The following PARP14 variants were observed in gnomAD, a reference collection of about 807,000 sequenced individuals.
PARP14 encodes protein mono-ADP-ribosyltransferase PARP14.
A neutral mutation model predicts 154.2 loss-of-function variants in PARP14; 59 were observed. The observed-to-expected ratio is 0.38, with a 90% confidence interval of 0.31 to 0.48. The LOEUF (loss-of-function observed/expected upper bound fraction) is 0.48, where lower values mean the gene tolerates loss of function less well. Among genes scored for constraint, PARP14 ranks in the 20% least tolerant of loss-of-function variants. PARP14 has a pLI of 0.98. For missense variants in PARP14, 1,734 were observed against 2,131.6 expected (o/e 0.81, Z 3.67); for synonymous variants, 720 against 780.5 (o/e 0.92, Z 1.29).
At chr3:122,714,042 A>G in intron 11 of PARP14, 108 bp downstream of exon 11, 1 of 877,344 alleles carries the variant, frequency 1.1e-6, no homozygotes, top group Non-Finnish European at 1.8e-6. Context: ...TTTTAAAATG[A>G]TACATTTTAC....
intron 5 of PARP14, among the ~76,000 whole-genome samples, chr3:122,698,447 G>T (rs1168332959): frequency 1.3e-5 from 2 of 152,200 alleles, no homozygotes; most frequent in South Asian, 2.1e-4. Context: ...GGAGATTCCA[G>T]CAGGGCCAGG....
intron 3 of PARP14, among the ~76,000 whole-genome samples, chr3:122,691,992 A>C (rs1938555690): frequency 2.0e-5 from 3 of 152,242 alleles, no homozygotes; most frequent in African/African-American, 7.2e-5. Context: ...TCATTTCCAC[A>C]GAGGTTAATA....
intron 4 of PARP14, among the ~76,000 whole-genome samples, chr3:122,694,581 C>T (rs1406911527): frequency 6.6e-6 from 1 of 152,152 alleles, no homozygotes; most frequent in Non-Finnish European, 1.5e-5. Flanking sequence ...GTCGCCCAGG[C>T]TGGAATGCAA....
In PARP14 at chr3:122,728,567, C is replaced by G. The variant is rs1560089532; in HGVS notation, c.5376C>G (p.Tyr1792Ter). The change falls in exon 17 of 17, where the codon TAC becomes TAG. Residue 1792 changes from tyrosine to a stop codon, truncating the protein, a stop_gained. Transcript: ENST00000474629. LOFTEE classifies it high-confidence loss of function. ...TGGCATTTTATGACTACCAAGCATACCCAGAGTACCTTATTACGTTTAGAA... is the reference window on the plus strand; with the variant it reads ...TGGCATTTTATGACTACCAAGCATAGCCAGAGTACCTTATTACGTTTAGAA... ...LFVAFYDYQA[Y>*]PEYLITFRK The G allele has an allele frequency of 6.2e-7, 1 of 1,613,286 alleles. No homozygotes were observed. The highest frequency in any genetic ancestry group is 8.5e-7 in the Non-Finnish European group (1 of 1,179,324).
Position 122,701,179 on chromosome 3 carries a change from C to T in PARP14, c.2625C>T (p.His875=), listed in dbSNP as rs1938959311. Residue 875 remains histidine (H), a synonymous_variant, in exon 6 of 17, where the codon CAC becomes CAT. Coordinates refer to ENST00000474629, the MANE Select transcript of PARP14 (RefSeq NM_017554.3). This position sits in a 1 kb window ranked among gnomAD's most constrained non-coding sequence, Gnocchi z 4.0. ...CCAAGGCAGGAAAGCTGCCCTACCA[C>T]CACGTGATCCATGCAGTGGGGCCCC... The part of the protein sequence containing the change: ...TISKAGKLPY[H]HVIHAVGPRW... The T allele has an allele frequency of 6.2e-7, 1 of 1,613,554 alleles. No individual in the cohort carries two copies. The highest frequency in any genetic ancestry group is 1.7e-5 in the Admixed American group (1 of 59,948).
chr3:122,721,783 T>C (rs1933171063), intron 15 of PARP14: 1 of 152,262 alleles, frequency 6.6e-6, no homozygotes. Flanking sequence ...CAAATTTTTC[T>C]TACTCTCTAT....
intron 3 of PARP14, among the ~76,000 whole-genome samples, chr3:122,691,848 G>A (rs930422423): frequency 6.6e-6 from 1 of 152,128 alleles, no homozygotes; most frequent in Non-Finnish European, 1.5e-5. Context: ...CTTCAATTAT[G>A]TATAATTTTA....
intron 8 of PARP14, among the ~76,000 whole-genome samples, chr3:122,706,653 A>T (rs1172577974): frequency 2.0e-5 from 3 of 152,130 alleles, no homozygotes; most frequent in Non-Finnish European, 4.4e-5. Flanking sequence ...TGGCTCCTAG[A>T]AGCCTGTGAG....
chr3:122,685,256 G>A lies in PARP14; in HGVS notation c.259G>A (p.Val87Ile), dbSNP rs554477478. 9.9e-6 allele frequency: 16 copies of A among 1,613,608 alleles called. No homozygotes were observed. The Admixed American group carries it at 2.7e-4, about 27-fold the overall frequency. The change falls in exon 2 of 17, where the codon GTC (valine) becomes ATC (isoleucine). Residue 87 changes from valine (V) to isoleucine (I), a missense_variant. Coordinates refer to ENST00000474629, the MANE Select transcript of PARP14 (RefSeq NM_017554.3). ...AGGAAAAGGAACATTCAAGTTAACT[G>A]TCCAGTTACCTGCAACCCCAGATGA... is the stretch of plus-strand genomic sequence containing the variant. ...WQGKGTFKLT[V>I]QLPATPDEID...
chr3:122,724,309 T>G (rs1334234535), intron 15 of PARP14, among the ~76,000 whole-genome samples: 1 of 151,970 alleles, frequency 6.6e-6, no homozygotes, highest in Non-Finnish European at 1.5e-5. Flanking sequence ...TTTCTTTTTT[T>G]TTTTTTTGAG....
At chr3:122,688,223 C>T (rs901397924) in intron 3 of PARP14, among the ~76,000 whole-genome samples, 7 of 152,092 alleles carry the variant, frequency 4.6e-5, no homozygotes, top group African/African-American at 9.7e-5. Context: ...AGCGCTATAC[C>T]GTCAAGCTCA....
chr3:122,717,978 T>C (rs1933039884), intron 12 of PARP14, 93 bp from the exon 13 acceptor site: 1 of 916,324 alleles, frequency 1.1e-6, no homozygotes, highest in Admixed American at 2.3e-5. Context: ...GAGTGGGCAT[T>C]TATTCTCTGA....
In PARP14 at chr3:122,681,168, T is replaced by G. The variant is rs1222182578; in HGVS notation, c.187+98T>G. 2 of 370,844 alleles carry G rather than the reference T, an allele frequency of 5.4e-6. No individual in the cohort carries two copies. The highest frequency in any genetic ancestry group is 9.5e-6 in the Non-Finnish European group (2 of 211,162). The allele number at this position is 370,844 out of a possible 1,614,324, so 23.0% of individuals were successfully genotyped here. Reference sequence around the variant, plus strand: ...GCACGGGAGGGTGACCCGCCCGACTTCGGCGGCTGCTGTAGCGGAGGTGGC... The same window carrying G: ...GCACGGGAGGGTGACCCGCCCGACTGCGGCGGCTGCTGTAGCGGAGGTGGC... On this transcript the variant is annotated intron_variant, in intron 1 of 16. Coordinates refer to ENST00000474629, the MANE Select transcript of PARP14 (RefSeq NM_017554.3). This position sits in a 1 kb window ranked among gnomAD's most constrained non-coding sequence, Gnocchi z 5.5.
intron 2 of PARP14, among the ~76,000 whole-genome samples, chr3:122,686,137 T>C (rs1476503601): frequency 1.3e-5 from 2 of 152,124 alleles, no homozygotes; most frequent in Non-Finnish European, 2.9e-5. Context: ...TCAGTAAATG[T>C]TTTATTTGTA....
intron 13 of PARP14, 25 bp downstream of exon 13, chr3:122,718,302 G>T: frequency 6.2e-7 from 1 of 1,610,930 alleles, no homozygotes; most frequent in Non-Finnish European, 8.5e-7. Context: ...TTTATGAAAT[G>T]CATGTTCATA....
intron 15 of PARP14, among the ~76,000 whole-genome samples, chr3:122,723,252 C>T (rs1349937471): frequency 6.6e-6 from 1 of 152,104 alleles, no homozygotes; most frequent in Non-Finnish European, 1.5e-5. Flanking sequence ...AGTCCATATT[C>T]TAATTTTTCC....
chr3:122,708,408 C>G (rs1271882314), intron 9 of PARP14, 140 bp downstream of exon 9: 3 of 616,858 alleles, frequency 4.9e-6, no homozygotes, highest in Non-Finnish European at 8.7e-6. Flanking sequence ...TTTCATATAC[C>G]TGAGCATGTA....
At chr3:122,715,656 ATCTG>A (rs957548315) in intron 12 of PARP14, among the ~76,000 whole-genome samples, 10 of 141,154 alleles carry the variant, frequency 7.1e-5, no homozygotes, top group African/African-American at 1.6e-4. Flanking sequence ...CTATCTATCG[ATCTG>A]TCTATCTATC....
chr3:122,708,098 T>C (rs1939215835), intron 8 of PARP14, 92 bp from the exon 9 acceptor site: 1 of 629,976 alleles, frequency 1.6e-6, no homozygotes, highest in Middle Eastern at 3.0e-4. Context: ...CTCCCAAATA[T>C]GTATGTGTGC....
Sources: allele counts gnomAD v4.1 joint callset (sites outside exome capture counted in the v4.1 genomes callset), GRCh38; gene constraint gnomAD v4.1.1; non-coding constraint Gnocchi (gnomAD v3.1); transcripts MANE v1.5; gene names NCBI Gene and HGNC (gene_info 2026-07-23, HGNC 2026-07-21).